TMEM53: variants seen among roughly 807,000 people sequenced by gnomAD.
TMEM53 encodes the protein novel DUF829 domain-containing protein.
TMEM53 carries 14 observed loss-of-function variants against 21.4 expected under a neutral mutation model. The observed-to-expected ratio is 0.65, with a 90% confidence interval of 0.43 to 1.02. TMEM53 has a LOEUF of 1.02. Ranked by LOEUF, TMEM53 falls within the 50% of genes least tolerant of loss-of-function variation. The probability of loss-of-function intolerance (pLI) is 0.00; values close to 1 mark genes in which losing one functional copy is unlikely to be tolerated. For missense variants in TMEM53, 323 were observed against 383.6 expected, an observed-to-expected ratio of 0.84 and a Z score of 1.32; for synonymous variants, 148 against 157.4, an observed-to-expected ratio of 0.94 and a Z score of 0.45.
chr1:44,670,201 G>A (rs72671978), intron 1 of TMEM53, among the ~76,000 whole-genome samples: 17,738 of 135,006 alleles, frequency 0.13, 1,214 homozygotes, highest in Middle Eastern at 0.17. Flanking sequence ...TGGGGTCCTC[G>A]TAGACAAGAC....
rs761618082 is a variant in TMEM53, at chr1:44,660,163, A to G, written c.183+11T>C. ...ACGGCAGCCCAGGGGAGAGGGCACC[A>G]GAGTACTCACCCTTTTGTGGTAGAT... On this transcript the variant is annotated intron_variant, in intron 2 of 2. Coordinates refer to ENST00000372237, the MANE Select transcript of TMEM53 (RefSeq NM_024587.4). 9 of 1,612,870 alleles carry G rather than the reference A, an allele frequency of 5.6e-6. No individual in the cohort carries two copies. Among genetic ancestry groups the G allele is most frequent in the Non-Finnish European group, 6.8e-6 (8 of 1,179,392 alleles).
intron 1 of TMEM53, among the ~76,000 whole-genome samples, chr1:44,669,082 G>A (rs1644976419): frequency 1.3e-5 from 2 of 152,166 alleles, no homozygotes; most frequent in South Asian, 4.2e-4. Flanking sequence ...CATGGTGCCT[G>A]GCAGAAGGAA....
chr1:44,666,507 C>T (rs1275316081), intron 1 of TMEM53, among the ~76,000 whole-genome samples: 1 of 152,190 alleles, frequency 6.6e-6, no homozygotes, highest in Admixed American at 6.5e-5. Flanking sequence ...AAATGTGATA[C>T]ATCCATACAA....
intron 2 of TMEM53, among the ~76,000 whole-genome samples, chr1:44,656,305 C>A (rs991154809): frequency 2.0e-5 from 3 of 152,116 alleles, no homozygotes; most frequent in African/African-American, 7.2e-5. Context: ...CTCAAATGAT[C>A]AAAGCAGTAC....
intron 1 of TMEM53, among the ~76,000 whole-genome samples, chr1:44,661,350 CCTA>C (rs1644900496): frequency 6.6e-6 from 1 of 152,132 alleles, no homozygotes; most frequent in Admixed American, 6.5e-5. Flanking sequence ...CCTGCCTCGG[CCTA>C]CTGAGTGGCT....
chr1:44,663,368 G>C (rs1644918452), intron 1 of TMEM53, among the ~76,000 whole-genome samples: 1 of 152,182 alleles, frequency 6.6e-6, no homozygotes, highest in African/African-American at 2.4e-5. Context: ...AGCCTCCTGA[G>C]TAGCTGGGAC....
At chr1:44,659,712 G>T (rs991812937) in intron 2 of TMEM53, among the ~76,000 whole-genome samples, 1 of 152,180 alleles carries the variant, frequency 6.6e-6, no homozygotes, top group Non-Finnish European at 1.5e-5. Flanking sequence ...GCACATCAAG[G>T]GTGGGCTGCC....
In TMEM53 at chr1:44,655,455, C is replaced by A. The variant is rs1644841202; in HGVS notation, c.184-246G>T. On this transcript the variant is annotated intron_variant, in intron 2 of 2. Coordinates refer to ENST00000372237, the MANE Select transcript of TMEM53 (RefSeq NM_024587.4). The surrounding 1 kb of genome is among the most constrained non-coding windows in gnomAD (Gnocchi z 4.4). ...GACTAATTGCTTCATGCTGGCCAAGCCCTCTTGGCCTGGAGTGGTATTTGA... is the reference window on the plus strand; with the variant it reads ...GACTAATTGCTTCATGCTGGCCAAGACCTCTTGGCCTGGAGTGGTATTTGA... Among the ~76,000 whole-genome samples the A allele has an allele frequency of 6.6e-6, 1 of 152,188 alleles. No homozygotes were observed. The highest frequency in any genetic ancestry group is 6.5e-5 in the Admixed American group (1 of 15,284).
At position 44,674,299 on chromosome 1, in the gene TMEM53, C is replaced by G. The variant is rs202189015; in HGVS notation, c.61+32G>C. 1.4e-3 allele frequency: 2,219 copies of G among 1,593,222 alleles called. 2 individuals are homozygous for G. The highest frequency in any genetic ancestry group is 1.7e-3 in the Non-Finnish European group (1,979 of 1,170,734). On this transcript the variant is annotated intron_variant, in intron 1 of 2. Coordinates refer to ENST00000372237, the MANE Select transcript of TMEM53 (RefSeq NM_024587.4). Reference sequence around the variant, plus strand: ...AACCCACAGGTTCATGAGGTCACCTCCCCGCGCCTGGACCCAACCCTCATT... The same window carrying G: ...AACCCACAGGTTCATGAGGTCACCTGCCCGCGCCTGGACCCAACCCTCATT...
At chr1:44,670,636 G>T (rs1473925325) in intron 1 of TMEM53, among the ~76,000 whole-genome samples, 2 of 152,154 alleles carry the variant, frequency 1.3e-5, no homozygotes, top group Non-Finnish European at 2.9e-5. Flanking sequence ...CTTCCTGAGG[G>T]TTAAAATGAT....
At position 44,654,467 on chromosome 1, in the gene TMEM53, G is replaced by C; in HGVS notation, c.*92C>G. 3.4e-6 allele frequency: 5 copies of C among 1,450,436 alleles called. 1 individual carries two copies. The South Asian group carries it at 6.4e-5, about 19-fold the overall frequency. The allele number at this position is 1,450,436 out of a possible 1,614,324, so 89.8% of individuals were successfully genotyped here. Reference sequence around the variant, plus strand: ...CCGCAAAGTCCCAAAGGGCTACAGGGAGTTGAACGAGAAGAGTGCCCGACA... The same window carrying C: ...CCGCAAAGTCCCAAAGGGCTACAGGCAGTTGAACGAGAAGAGTGCCCGACA... On this transcript the variant is annotated 3_prime_UTR_variant, in exon 3 of 3. Coordinates refer to ENST00000372237, the MANE Select transcript of TMEM53 (RefSeq NM_024587.4). This position sits in a 1 kb window ranked among gnomAD's most constrained non-coding sequence, Gnocchi z 7.0.
At chr1:44,660,063 G>T in intron 2 of TMEM53, 111 bp downstream of exon 2, 2 of 1,347,484 alleles carry the variant, frequency 1.5e-6, no homozygotes, top group Admixed American at 2.4e-5. Flanking sequence ...TGACCATGTT[G>T]GCCAGGCTGG....
intron 1 of TMEM53, chr1:44,673,946 AAAT>A: frequency 1.0e-6 from 1 of 985,460 alleles, no homozygotes; most frequent in Non-Finnish European, 1.2e-6. Context: ...GCCTTCGGGA[AAAT>A]AATAAGTGAT....
At chr1:44,664,048 G>T (rs1174320821) in intron 1 of TMEM53, among the ~76,000 whole-genome samples, 1 of 151,588 alleles carries the variant, frequency 6.6e-6, no homozygotes, top group Admixed American at 6.6e-5. Context: ...GCTCCTCAGG[G>T]TGCTGAGGCA....
chr1:44,662,007 C>A (rs756698175), intron 1 of TMEM53, among the ~76,000 whole-genome samples: 1 of 152,252 alleles, frequency 6.6e-6, no homozygotes, highest in Non-Finnish European at 1.5e-5. Context: ...AAGGACCAAG[C>A]CACTTGGCTA....
At chr1:44,671,503 T>C (rs1249653512) in intron 1 of TMEM53, among the ~76,000 whole-genome samples, 3 of 152,224 alleles carry the variant, frequency 2.0e-5, no homozygotes, top group African/African-American at 7.2e-5. Context: ...GGCTCATACC[T>C]GTAATCGCAG....
At chr1:44,656,476 G>A (rs1009677925) in intron 2 of TMEM53, among the ~76,000 whole-genome samples, 3 of 152,126 alleles carry the variant, frequency 2.0e-5, no homozygotes, top group African/African-American at 7.2e-5. Context: ...TAGCCCTGGA[G>A]TGCCTAAGCA....
Position 44,655,891 on chromosome 1 carries a change from C to T in TMEM53, c.184-682G>A, listed in dbSNP as rs1243243704. On this transcript the variant is annotated intron_variant, in intron 2 of 2. Coordinates refer to ENST00000372237, the MANE Select transcript of TMEM53 (RefSeq NM_024587.4). This position sits in a 1 kb window ranked among gnomAD's most constrained non-coding sequence, Gnocchi z 4.4. The stretch of plus-strand genomic sequence containing the variant: ...GGCCTGGGATCACTCCTCATATCTG[C>T]CCTGAAATTCCAAATACAGTAAACA... 9.9e-5 allele frequency among the ~76,000 whole-genome samples: 15 copies of T among 152,184 alleles called. No homozygotes were observed. The highest frequency in any genetic ancestry group is 2.9e-5 in the Non-Finnish European group (2 of 68,030).
At chr1:44,665,432 T>C (rs778064110) in intron 1 of TMEM53, among the ~76,000 whole-genome samples, 10 of 151,808 alleles carry the variant, frequency 6.6e-5, no homozygotes, top group Admixed American at 1.3e-4. Context: ...AGGTCAGGAG[T>C]TGGGGACCAG....
Sources: gnomAD v4.1 joint callset for allele counts (sites outside exome capture counted in the v4.1 genomes callset) on GRCh38, gnomAD v4.1.1 for gene constraint, Gnocchi (gnomAD v3.1) non-coding constraint, MANE v1.5 for transcripts, NCBI Gene and HGNC (gene_info 2026-07-23, HGNC 2026-07-21) for gene names.